TIAM2: variants seen among roughly 807,000 people sequenced by gnomAD.
The protein encoded by TIAM2 is TIAM Rac1 associated GEF 2.
Under a neutral mutation model 152.9 loss-of-function variants are expected in TIAM2, and 80 were observed. That is an observed-to-expected ratio of 0.52 (90% confidence interval 0.44 to 0.63). The LOEUF (loss-of-function observed/expected upper bound fraction) is 0.63, where lower values mean the gene tolerates loss of function less well. Among genes scored for constraint, TIAM2 ranks in the 30% least tolerant of loss-of-function variants. TIAM2 has a pLI of 0.00. For missense variants in TIAM2, 1,965 were observed against 2,120.1 expected, an observed-to-expected ratio of 0.93 and a Z score of 1.44; for synonymous variants, 804 against 838.0, an observed-to-expected ratio of 0.96 and a Z score of 0.70.
At chr6:155,165,216 TC>T in intron 8 of TIAM2, 46 bp from the exon 9 acceptor site, 1 of 1,558,008 alleles carries the variant, frequency 6.4e-7, no homozygotes, top group Non-Finnish European at 8.7e-7. Flanking sequence ...TTTCTGCCAC[TC>T]AAATACTAAG....
At chr6:155,000,206 C>T (rs143164728) in intron 1 of TIAM2, among the ~76,000 whole-genome samples, 4 of 152,224 alleles carry the variant, frequency 2.6e-5, no homozygotes, top group African/African-American at 4.8e-5. Flanking sequence ...CAATGTTAAA[C>T]ATGTATCGAG....
At chr6:155,120,088 G>A (rs1475115967) in intron 2 of TIAM2, among the ~76,000 whole-genome samples, 2 of 152,142 alleles carry the variant, frequency 1.3e-5, no homozygotes, top group African/African-American at 2.4e-5. Flanking sequence ...GATCCTCCTT[G>A]TGATAAATTG....
chr6:155,167,002 T>G (rs1780456926), intron 9 of TIAM2, among the ~76,000 whole-genome samples: 1 of 152,222 alleles, frequency 6.6e-6, no homozygotes, highest in South Asian at 2.1e-4. Context: ...TATATGGCTA[T>G]TTGATAACGC....
chr6:155,140,571 TGTGAGAGAGA>T (rs1169972303), intron 5 of TIAM2, among the ~76,000 whole-genome samples: 58 of 110,792 alleles, frequency 5.2e-4, no homozygotes, highest in South Asian at 3.0e-3. Flanking sequence ...TGTGTGTGTG[TGTGAGAGAGA>T]GAGAGAGAGA....
In TIAM2 at chr6:155,180,556, G is replaced by A. The variant is rs559825634; in HGVS notation, c.2707+1100G>A. On this transcript the variant is annotated intron_variant, in intron 12 of 26. Coordinates refer to ENST00000682666, the MANE Select transcript of TIAM2 (RefSeq NM_012454.4). The stretch of plus-strand genomic sequence containing the variant: ...AAAATGTCCTTTTTAGGATGCCTTC[G>A]TTTTTTAAAAATTTGTATAATCTTT... 1.5e-4 allele frequency among the ~76,000 whole-genome samples: 23 copies of A among 151,966 alleles called. No homozygotes were observed. The South Asian group carries it at 3.3e-3, about 22-fold the overall frequency.
intron 15 of TIAM2, among the ~76,000 whole-genome samples, chr6:155,212,928 T>G (rs1781758708): frequency 1.3e-5 from 2 of 152,186 alleles, no homozygotes; most frequent in Non-Finnish European, 2.9e-5. Flanking sequence ...AAGCTACGGC[T>G]GGATCACACA....
rs529281296 is a variant in TIAM2 at position 155,186,682 on chromosome 6, G to A, written c.3064+3182G>A. Among the ~76,000 whole-genome samples, 154 of 152,058 alleles carry A rather than the reference G, an allele frequency of 1.0e-3. No individual in the cohort carries two copies. The highest frequency in any genetic ancestry group is 3.6e-3 in the African/African-American group (150 of 41,462). On this transcript the variant is annotated intron_variant, in intron 14 of 26. Transcript: ENST00000682666. This position sits in a 1 kb window ranked among gnomAD's most constrained non-coding sequence, Gnocchi z 4.5. ...AACGTGCTTCTCCTCCTCCTCCCTC[G>A]CTTTTGCAGCTTCCTGTTTTATTAA... is the stretch of plus-strand genomic sequence containing the variant.
At chr6:155,252,468 A>G (rs907553914) in intron 23 of TIAM2, among the ~76,000 whole-genome samples, 9 of 152,180 alleles carry the variant, frequency 5.9e-5, no homozygotes, top group African/African-American at 1.9e-4. Flanking sequence ...GACCCTGTCA[A>G]TAAATACATA....
intron 1 of TIAM2, among the ~76,000 whole-genome samples, chr6:155,018,922 C>T (rs1776403261): frequency 6.7e-6 from 1 of 148,288 alleles, no homozygotes; most frequent in Non-Finnish European, 1.5e-5. Context: ...CACCTGTAAT[C>T]CCAGCTACTT....
At chr6:155,126,483 G>A (rs1047281995) in intron 2 of TIAM2, among the ~76,000 whole-genome samples, 5 of 152,176 alleles carry the variant, frequency 3.3e-5, no homozygotes, top group Admixed American at 1.3e-4. Flanking sequence ...TGTAATCCCC[G>A]CGCTTTGGGA....
In TIAM2 at chr6:155,179,392, A is replaced by G; in HGVS notation, c.2643A>G (p.Ile881Met). The change falls in exon 12 of 27, where the codon ATA becomes ATG. Residue 881 changes from isoleucine to methionine, a missense_variant. Physicochemically the swap from Ile to Met is conservative, Grantham distance 10 (BLOSUM62 1). Around this residue, in one of 3 missense-constraint regions of TIAM2, gnomAD observed 1,025 missense variants for 1,119.4 expected, o/e 0.92. Transcript: ENST00000682666. ...ACCTTTTGCAGGTTTATGATGAAAT[A>G]GAAGTCTTTCCACTAAATGTTTATG... ...EYMQQQVYDE[I>M]EVFPLNVYDV... 1 of 1,613,840 alleles carries G rather than the reference A, an allele frequency of 6.2e-7. No individual in the cohort carries two copies.
rs112729525 is a variant in TIAM2 at position 155,197,686 on chromosome 6, C to G, written c.3065-13518C>G. Among the ~76,000 whole-genome samples, 1,258 of 152,110 alleles carry G rather than the reference C, an allele frequency of 8.3e-3. 19 individuals are homozygous for G. Among genetic ancestry groups the G allele is most frequent in the African/African-American group, 0.029 (1,190 of 41,508 alleles). ...CAATCATGGTGGAAAGGGAAGCAAA[C>G]ATGTCCTTCTTCACATGGCGGCGGC... is the stretch of plus-strand genomic sequence containing the variant. On this transcript the variant is annotated intron_variant, in intron 14 of 26. Transcript: ENST00000682666.
intron 8 of TIAM2, among the ~76,000 whole-genome samples, chr6:155,164,807 A>G (rs991760199): frequency 3.9e-5 from 6 of 152,184 alleles, no homozygotes; most frequent in Non-Finnish European, 5.9e-5. Flanking sequence ...TGCTTATTCT[A>G]GAGTCCAGCA....
intron 12 of TIAM2, among the ~76,000 whole-genome samples, chr6:155,180,255 T>C (rs992619212): frequency 6.6e-6 from 1 of 152,136 alleles, no homozygotes; most frequent in Admixed American, 6.5e-5. Context: ...CACTGTACTC[T>C]AGCCTGGGCG....
chr6:155,226,542 G>A (rs933042793), intron 15 of TIAM2, among the ~76,000 whole-genome samples: 5 of 152,034 alleles, frequency 3.3e-5, no homozygotes, highest in Non-Finnish European at 5.9e-5. Context: ...GTGCACGCCT[G>A]TAATCCCAGC....
chr6:155,035,166 C>T (rs1051512832), intron 1 of TIAM2, among the ~76,000 whole-genome samples: 1 of 150,086 alleles, frequency 6.7e-6, no homozygotes, highest in East Asian at 2.0e-4. Context: ...AATGGATGTG[C>T]AAGTGATGTA....
chr6:155,163,305 C>G (rs1374782138), intron 7 of TIAM2, among the ~76,000 whole-genome samples: 1 of 152,232 alleles, frequency 6.6e-6, no homozygotes, highest in African/African-American at 2.4e-5. Context: ...TCACAGCTTT[C>G]TGTTCTTCTC....
intron 9 of TIAM2, among the ~76,000 whole-genome samples, chr6:155,167,890 A>T (rs756464346): frequency 6.6e-6 from 1 of 152,232 alleles, no homozygotes; most frequent in African/African-American, 2.4e-5. Flanking sequence ...TAATAACTTG[A>T]TAAATAACTT....
rs746067347 is a variant in TIAM2 at position 155,129,450 on chromosome 6, C to T, written c.227C>T (p.Ser76Leu). 5.6e-6 allele frequency: 9 copies of T among 1,614,006 alleles called. No homozygotes were observed. The highest frequency in any genetic ancestry group is 4.5e-5 in the East Asian group (2 of 44,882). The change falls in exon 4 of 27, where the codon TCG (serine) becomes TTG (leucine). Residue 76 changes from serine (S) to leucine (L), a missense_variant. Physicochemically the swap from Ser to Leu is moderately radical, Grantham distance 145. Coordinates refer to ENST00000682666, the MANE Select transcript of TIAM2 (RefSeq NM_012454.4). This position sits in a 1 kb window ranked among gnomAD's most constrained non-coding sequence, Gnocchi z 4.8. Reference sequence around the variant, plus strand: ...TTTAAGAGTAACCAGCCTTACGCATCGAGACTCGGTGGCCCCACATGCAAG... The same window carrying T: ...TTTAAGAGTAACCAGCCTTACGCATTGAGACTCGGTGGCCCCACATGCAAG... ...SHFKSNQPYASRLGGPTCKVS... is the reference protein window; with the variant it reads ...SHFKSNQPYALRLGGPTCKVS...
Sources: allele counts gnomAD v4.1 joint callset (sites outside exome capture counted in the v4.1 genomes callset), GRCh38; gene constraint gnomAD v4.1.1; regional missense constraint gnomAD v4.1.1; non-coding constraint Gnocchi (gnomAD v3.1); transcripts MANE v1.5; gene names NCBI Gene and HGNC (gene_info 2026-07-23, HGNC 2026-07-21).